PLSCR4: variants seen among roughly 807,000 people sequenced by gnomAD.
PLSCR4 encodes phospholipid scramblase 4.
In PLSCR4, 25 loss-of-function variants were observed where a neutral mutation model predicts 36.3. The observed-to-expected ratio is 0.69, with a 90% CI of 0.50 to 0.96. PLSCR4 has a LOEUF of 0.96. Among genes scored for constraint, PLSCR4 ranks in the 40% least tolerant of loss-of-function variants. The pLI, the probability that PLSCR4 is intolerant of heterozygous loss-of-function variation, is 0.00. For missense variants in PLSCR4, 408 were observed against 414.7 expected (o/e 0.98, Z 0.14); for synonymous variants, 122 against 132.9 (o/e 0.92, Z 0.56).
At chr3:146,200,918 G>GT (rs970610258) in intron 5 of PLSCR4, 117 bp downstream of exon 5, 1,264 of 643,358 alleles carry the variant, frequency 2.0e-3, no homozygotes, top group South Asian at 3.9e-3. Flanking sequence ...TAATAGAGCA[G>GT]TTTTTTTTTC....
rs1576441404 is a variant in PLSCR4 at position 146,194,355 on chromosome 3, A to T, written c.*56T>A. The T allele has an allele frequency of 8.5e-7, 1 of 1,178,680 alleles. No homozygotes were observed. The highest frequency in any genetic ancestry group is 1.5e-5 in the African/African-American group (1 of 66,142). 73.0% of individuals were successfully genotyped at this position (1,178,680 alleles called of 1,614,324 possible). On this transcript the variant is annotated 3_prime_UTR_variant, in exon 9 of 9. Transcript: ENST00000354952. The stretch of plus-strand genomic sequence containing the variant: ...ATAACTGAGTGCTGACTGTAAGCCC[A>T]ATCCAACTTTTCCATTTTTCAAAAT...
At chr3:146,203,712 A>T (rs143985293) in intron 4 of PLSCR4, among the ~76,000 whole-genome samples, 50 of 152,010 alleles carry the variant, frequency 3.3e-4, no homozygotes, top group African/African-American at 1.1e-3. Context: ...CTCAGCCTAC[A>T]TAGAATTTAG....
intron 1 of PLSCR4, among the ~76,000 whole-genome samples, chr3:146,230,090 A>ATC: frequency 6.6e-6 from 1 of 152,146 alleles, no homozygotes; most frequent in East Asian, 1.9e-4. Flanking sequence ...ACCTGTCTGA[A>ATC]GTGAAGGCAG....
At chr3:146,223,474 T>TA (rs200929922) in intron 1 of PLSCR4, among the ~76,000 whole-genome samples, 2,226 of 152,322 alleles carry the variant, frequency 0.015, 59 homozygotes, top group African/African-American at 0.051. Flanking sequence ...TTCTAAATCC[T>TA]AAGCCTATGT....
At chr3:146,248,650 A>T (rs1374694340) in intron 1 of PLSCR4, among the ~76,000 whole-genome samples, 4 of 152,304 alleles carry the variant, frequency 2.6e-5, no homozygotes, top group African/African-American at 9.6e-5. Flanking sequence ...ACCAATTCCC[A>T]ATCAATGGCT....
intron 1 of PLSCR4, among the ~76,000 whole-genome samples, chr3:146,245,516 AAATATC>A (rs2036302960): frequency 6.6e-6 from 1 of 152,124 alleles, no homozygotes; most frequent in Non-Finnish European, 1.5e-5. Context: ...TAAACTACAT[AAATATC>A]AAGCACAATT....
At position 146,206,923 on chromosome 3, in the gene PLSCR4, G is replaced by A. The variant is rs148288121; in HGVS notation, c.119-162C>T. Among the ~76,000 whole-genome samples the A allele has an allele frequency of 3.0e-3, 460 of 152,172 alleles. 3 individuals are homozygous for A. Among genetic ancestry groups the A allele is most frequent in the African/African-American group, 0.011 (451 of 41,528 alleles). Reference sequence around the variant, plus strand: ...AGATCATGGTTGCATATGACCCAACGATGTATTAGGGAGACTTATTTACAT... The same window carrying A: ...AGATCATGGTTGCATATGACCCAACAATGTATTAGGGAGACTTATTTACAT... On this transcript the variant is annotated intron_variant, in intron 3 of 8. Transcript: ENST00000354952.
At position 146,194,362 on chromosome 3, in the gene PLSCR4, CTTTTCCAT is replaced by C. The variant is rs777064139; in HGVS notation, c.*41_*48del. 8 of 1,324,810 alleles carry C rather than the reference CTTTTCCAT, an allele frequency of 6.0e-6. No individual in the cohort carries two copies. The highest frequency in any genetic ancestry group is 8.7e-6 in the Non-Finnish European group (8 of 917,674). 82.1% of individuals were successfully genotyped at this position (1,324,810 alleles called of 1,614,324 possible). On this transcript the variant is annotated 3_prime_UTR_variant, in exon 9 of 9. Coordinates refer to ENST00000354952, the MANE Select transcript of PLSCR4 (RefSeq NM_020353.3). Reference sequence around the variant, plus strand: ...AGTGCTGACTGTAAGCCCAATCCAACTTTTCCATTTTTCAAAATTAACCATAGTTGATG... The same window carrying C: ...AGTGCTGACTGTAAGCCCAATCCAACTTTTCAAAATTAACCATAGTTGATG...
chr3:146,240,442 C>T (rs750143497), intron 1 of PLSCR4, among the ~76,000 whole-genome samples: 37 of 151,892 alleles, frequency 2.4e-4, no homozygotes, highest in South Asian at 2.1e-4. Context: ...CCCGTCTCTA[C>T]GAAAAAATAA....
chr3:146,202,062 TTTTATG>T (rs2034076080), intron 4 of PLSCR4, among the ~76,000 whole-genome samples: 1 of 151,888 alleles, frequency 6.6e-6, no homozygotes, highest in Non-Finnish European at 1.5e-5. Context: ...AACACGAATG[TTTTATG>T]GTGTGATTAA....
At position 146,196,656 on chromosome 3, in the gene PLSCR4, G is replaced by C; in HGVS notation, c.762C>G (p.Gly254=). 6.2e-7 allele frequency: 1 copy of C among 1,613,848 alleles called. No homozygotes were observed. Among genetic ancestry groups the C allele is most frequent in the Non-Finnish European group, 8.5e-7 (1 of 1,179,870 alleles). Residue 254 remains glycine (G), a synonymous_variant, in exon 7 of 9, where the codon GGC becomes GGG. Transcript: ENST00000354952. ...CCTCAAAAACAGAATCTGAACCACA[G>C]CCATAGGTTGAGCATGGCCCACGAA... is the stretch of plus-strand genomic sequence containing the variant. The part of the protein sequence containing the change: ...MRVRGPCSTY[G]CGSDSVFEVK...
chr3:146,215,948 C>T lies in PLSCR4; in HGVS notation c.118+4867G>A, dbSNP rs185320804. 9.2e-5 allele frequency among the ~76,000 whole-genome samples: 14 copies of T among 152,234 alleles called. No individual in the cohort carries two copies. In the East Asian group the frequency reaches 1.7e-3, roughly 19 times the overall value. On this transcript the variant is annotated intron_variant, in intron 3 of 8. Coordinates refer to ENST00000354952, the MANE Select transcript of PLSCR4 (RefSeq NM_020353.3). ...ATCTCCTGAAAAATGCAGACAGTCC[C>T]GGCTGGGCACTGTGGCTCACGCCTG...
At chr3:146,226,653 G>A (rs1016808633) in intron 1 of PLSCR4, among the ~76,000 whole-genome samples, 2 of 152,144 alleles carry the variant, frequency 1.3e-5, no homozygotes, top group African/African-American at 4.8e-5. Context: ...GTCCAGGCCT[G>A]GAAATCTCTA....
At position 146,194,356 on chromosome 3, in the gene PLSCR4, A is replaced by G. The variant is rs557296099; in HGVS notation, c.*55T>C. The G allele has an allele frequency of 1.3e-5, 16 of 1,208,160 alleles. No individual in the cohort carries two copies. The African/African-American group carries it at 1.3e-4, about 10-fold the overall frequency. 74.8% of individuals were successfully genotyped at this position (1,208,160 alleles called of 1,614,324 possible). On this transcript the variant is annotated 3_prime_UTR_variant, in exon 9 of 9. Transcript: ENST00000354952. ...TAACTGAGTGCTGACTGTAAGCCCA[A>G]TCCAACTTTTCCATTTTTCAAAATT...
At chr3:146,220,349 T>C (rs78232878) in intron 3 of PLSCR4, among the ~76,000 whole-genome samples, 2,147 of 152,288 alleles carry the variant, frequency 0.014, 24 homozygotes, top group Non-Finnish European at 0.021. Context: ...TCCATTTCTC[T>C]GCACATCTTC....
At chr3:146,230,462 A>G (rs9836419) in intron 1 of PLSCR4, among the ~76,000 whole-genome samples, 90,210 of 152,002 alleles carry the variant, frequency 0.59, 29,889 homozygotes, top group Non-Finnish European at 0.72. Context: ...TTGTGAACTG[A>G]TCACATTCCT....
chr3:146,237,002 A>G (rs1378049839), intron 1 of PLSCR4, among the ~76,000 whole-genome samples: 1 of 152,188 alleles, frequency 6.6e-6, no homozygotes, highest in Non-Finnish European at 1.5e-5. Context: ...TGGATTAAAC[A>G]ATCCAATCAA....
chr3:146,208,652 G>A (rs976073352), intron 3 of PLSCR4, among the ~76,000 whole-genome samples: 3 of 151,892 alleles, frequency 2.0e-5, no homozygotes, highest in Non-Finnish European at 4.4e-5. Context: ...GCCAACAATT[G>A]TATGAAAAAA....
chr3:146,200,373 T>C (rs2033979854), intron 5 of PLSCR4, among the ~76,000 whole-genome samples: 2 of 152,094 alleles, frequency 1.3e-5, no homozygotes. Flanking sequence ...AATTATACAT[T>C]TGACCATTAA....
Sources: allele counts gnomAD v4.1 joint callset (sites outside exome capture counted in the v4.1 genomes callset), GRCh38; gene constraint gnomAD v4.1.1; transcripts MANE v1.5; gene names NCBI Gene and HGNC (gene_info 2026-07-23, HGNC 2026-07-21).